The following CATSPER2 variants were observed in gnomAD, a reference collection of about 807,000 sequenced individuals.
CATSPER2 encodes the protein cation channel sperm-associated protein 2.
Under a neutral mutation model 68.8 loss-of-function variants are expected in CATSPER2, and 56 were observed. That is an observed-to-expected ratio of 0.81 (90% CI 0.66 to 1.02). The LOEUF is 1.02. Ranked by LOEUF, CATSPER2 falls within the 50% of genes least tolerant of loss-of-function variation. CATSPER2 has a pLI of 0.00. For synonymous variants in CATSPER2, 198 were observed against 229.9 expected (o/e 0.86, Z 1.26); for missense variants, 582 against 642.0 (o/e 0.91, Z 1.01).
Position 43,640,164 on chromosome 15 carries a change from C to A in CATSPER2, c.561+160G>T. ...TCTACTTTGCTCCTAATACCAACAA[C>A]TCCTGCAATGATTGATGTTTAGTTT... On this transcript the variant is annotated intron_variant, in intron 5 of 12. Transcript: ENST00000396879. The A allele has an allele frequency of 3.9e-6, 6 of 1,536,676 alleles. 1 individual carries two copies. The South Asian group carries it at 7.3e-5, about 19-fold the overall frequency.
chr15:43,632,439 T>A, intron 11 of CATSPER2, 76 bp from the exon 12 acceptor site: 2 of 1,574,074 alleles, frequency 1.3e-6, no homozygotes, highest in Non-Finnish European at 1.7e-6. Flanking sequence ...TCCTATGGTG[T>A]GGGTGGAAAG....
rs1226219870 is a variant in CATSPER2, at chr15:43,636,023, C to G, written c.1021+18G>C. The G allele has an allele frequency of 6.6e-7, 1 of 1,507,820 alleles. No homozygotes were observed. Among genetic ancestry groups the G allele is most frequent in the East Asian group, 2.3e-5 (1 of 44,022 alleles). The allele number at this position is 1,507,820 out of a possible 1,614,324, so 93.4% of individuals were successfully genotyped here. A position where few individuals can be genotyped will look rare whatever the true frequency, so the allele number is the denominator to read the frequency against. The stretch of plus-strand genomic sequence containing the variant: ...CCAACCACACTTCCCAAACAAGTTT[C>G]ACCTCCTCTATGCTTACCCATCATG... On this transcript the variant is annotated intron_variant, in intron 8 of 12. Coordinates refer to ENST00000396879, the MANE Select transcript of CATSPER2 (RefSeq NM_172095.4).
Position 43,635,809 on chromosome 15 carries a change from T to C in CATSPER2, c.1039A>G (p.Ile347Val). ...ATCTCCTCATTCAGCTCTTTCCTGATATTCTGAAAGTTAGTAACTGCCCCA... is the reference window on the plus strand; with the variant it reads ...ATCTCCTCATTCAGCTCTTTCCTGACATTCTGAAAGTTAGTAACTGCCCCA... Reference protein sequence around the residue: ...VAMMVTNFQNIRKELNEEMAR... With the variant: ...VAMMVTNFQNVRKELNEEMAR... The change falls in exon 9 of 13, where the codon ATC (isoleucine) becomes GTC (valine). Residue 347 changes from isoleucine (I) to valine (V), a missense_variant. Ile to Val is a conservative substitution (Grantham distance 29, BLOSUM62 3). Coordinates refer to ENST00000396879, the MANE Select transcript of CATSPER2 (RefSeq NM_172095.4). 6.2e-7 allele frequency: 1 copy of C among 1,613,442 alleles called. No homozygotes were observed. Among genetic ancestry groups the C allele is most frequent in the Non-Finnish European group, 8.5e-7 (1 of 1,179,740 alleles).
Position 43,648,752 on chromosome 15 carries a change from C to T in CATSPER2, c.-126G>A, listed in dbSNP as rs1408809410. On this transcript the variant is annotated 5_prime_UTR_variant, in exon 1 of 13. Transcript: ENST00000396879. ...AGGGCCGGCTCCCAGCCTCACTGCG[C>T]CCCATTCCCCGCCCCGCTCGACCCC... is the stretch of plus-strand genomic sequence containing the variant. 37 of 1,525,620 alleles carry T rather than the reference C, an allele frequency of 2.4e-5. No homozygotes were observed. The highest frequency in any genetic ancestry group is 3.2e-5 in the Non-Finnish European group (36 of 1,140,636). The allele number at this position is 1,525,620 out of a possible 1,614,324, so 94.5% of individuals were successfully genotyped here.
intron 4 of CATSPER2, among the ~76,000 whole-genome samples, chr15:43,645,927 T>C (rs747756169): frequency 6.6e-6 from 1 of 152,044 alleles, no homozygotes; most frequent in African/African-American, 2.4e-5. Context: ...ATGTTTTGAA[T>C]GTATTTCATA....
intron 4 of CATSPER2, 103 bp from the exon 5 acceptor site, chr15:43,640,599 C>T (rs2086055706): frequency 1.4e-6 from 2 of 1,460,524 alleles, no homozygotes; most frequent in African/African-American, 2.8e-5. Flanking sequence ...ACTACTGTTC[C>T]ATTTTTCTTC....
chr15:43,637,350 T>C (rs1028524429), intron 7 of CATSPER2, among the ~76,000 whole-genome samples: 2 of 151,858 alleles, frequency 1.3e-5, no homozygotes, highest in African/African-American at 4.8e-5. Flanking sequence ...AAAATTAATA[T>C]TTAAAAATTA....
rs1214204718 is a variant in CATSPER2, at chr15:43,639,249, A to C, written c.718-221T>G. ...TGACCCACCCAGATTTCTTTCATAT[A>C]TTTTTTTTTTTTTTAGACGGAGTTT... is the stretch of plus-strand genomic sequence containing the variant. On this transcript the variant is annotated intron_variant, in intron 6 of 12. Transcript: ENST00000396879. Among the ~76,000 whole-genome samples the C allele has an allele frequency of 2.1e-5, 3 of 140,202 alleles. No individual in the cohort carries two copies. The East Asian group carries it at 6.1e-4, about 29-fold the overall frequency. 92.0% of individuals were successfully genotyped at this position (140,202 alleles called of 152,430 possible). A position where few individuals can be genotyped will look rare whatever the true frequency, so the allele number is the denominator to read the frequency against.
rs2086193748 is a variant in CATSPER2, at chr15:43,647,560, C to T, written c.146-93G>A. The T allele has an allele frequency of 4.3e-6, 5 of 1,154,538 alleles. No individual in the cohort carries two copies. The East Asian group carries it at 9.4e-5, about 22-fold the overall frequency. The allele number at this position is 1,154,538 out of a possible 1,614,324, so 71.5% of individuals were successfully genotyped here. A position where few individuals can be genotyped will look rare whatever the true frequency, so the allele number is the denominator to read the frequency against. ...AGGGATACTGGTCAGGTAATGGGTT[C>T]CCCTAATGCCTTACTGCTAGTCCTT... On this transcript the variant is annotated intron_variant, in intron 2 of 12. Coordinates refer to ENST00000396879, the MANE Select transcript of CATSPER2 (RefSeq NM_172095.4).
rs761661429 is a variant in CATSPER2, at chr15:43,635,389, C to G, written c.1149G>C (p.Leu383=). 8 of 1,608,102 alleles carry G rather than the reference C, an allele frequency of 5.0e-6. No individual in the cohort carries two copies. Among genetic ancestry groups the G allele is most frequent in the Non-Finnish European group, 3.4e-6 (4 of 1,179,020 alleles). Residue 383 remains leucine (L), a synonymous_variant, in exon 10 of 13, where the codon CTG becomes CTC. Transcript: ENST00000396879. The part of the protein sequence containing the change: ...QRRKNMSHEA[L]TSSHSKIEDS... ...CCTCTATTTTGCTATGGCTTGACGTCAGTGCTTCATGTGACATGTTTTTTC... is the reference window on the plus strand; with the variant it reads ...CCTCTATTTTGCTATGGCTTGACGTGAGTGCTTCATGTGACATGTTTTTTC...
intron 4 of CATSPER2, among the ~76,000 whole-genome samples, chr15:43,645,876 G>C (rs924258161): frequency 2.0e-4 from 31 of 151,944 alleles, no homozygotes; most frequent in Admixed American, 1.9e-3. Context: ...AGCAGTTTGA[G>C]ATTATCAACA....
rs781641661 is a variant in CATSPER2, at chr15:43,648,014, A to G, written c.48T>C (p.Asp16=). 6.2e-7 allele frequency: 1 copy of G among 1,613,752 alleles called. No individual in the cohort carries two copies. The highest frequency in any genetic ancestry group is 8.5e-7 in the Non-Finnish European group (1 of 1,179,764). ...QEEQMQLPRA[D]AIRSRLIDTF... is the part of the protein sequence containing the mutation. ...TATCGATGAGACGTGAACGAATGGC[A>G]TCAGCTCGGGGAAGCTGCATCTGCT... The change falls in exon 2 of 13, where the codon GAT becomes GAC. Residue 16 remains aspartate (D), a synonymous_variant. Transcript: ENST00000396879.
chr15:43,648,174 T>C (rs2086207629), intron 1 of CATSPER2, 111 bp from the exon 2 acceptor site: 12 of 1,250,946 alleles, frequency 9.6e-6, no homozygotes, highest in Admixed American at 6.8e-5. Context: ...GATTCCTTAA[T>C]GTACCCACAT....
chr15:43,640,835 G>A (rs1048145320), intron 4 of CATSPER2, among the ~76,000 whole-genome samples: 14 of 151,738 alleles, frequency 9.2e-5, no homozygotes, highest in African/African-American at 3.1e-4. Flanking sequence ...CCCATCTACT[G>A]TACTGTTATC....
intron 4 of CATSPER2, among the ~76,000 whole-genome samples, chr15:43,644,269 A>T (rs2086122228): frequency 6.6e-6 from 1 of 152,030 alleles, no homozygotes; most frequent in South Asian, 2.1e-4. Flanking sequence ...CTGTTCAAAG[A>T]AATCTGTTAA....
At chr15:43,635,232 T>TA in intron 10 of CATSPER2, 128 bp downstream of exon 10, 5 of 877,822 alleles carry the variant, frequency 5.7e-6, no homozygotes, top group Non-Finnish European at 9.6e-6. Context: ...CGGGTGCCAC[T>TA]AGTCAACCTA....
In CATSPER2 at chr15:43,630,493, T is replaced by C; in HGVS notation, c.*208A>G. On this transcript the variant is annotated 3_prime_UTR_variant, in exon 13 of 13. Transcript: ENST00000396879. ...CCTCAGGCTCCCAAGTAGCTATGATTACAAGCATCTGCCACCACACCCAGC... is the reference window on the plus strand; with the variant it reads ...CCTCAGGCTCCCAAGTAGCTATGATCACAAGCATCTGCCACCACACCCAGC... 9.2e-7 allele frequency: 1 copy of C among 1,086,392 alleles called. No homozygotes were observed. Among genetic ancestry groups the C allele is most frequent in the South Asian group, 1.6e-5 (1 of 63,218 alleles). The allele number at this position is 1,086,392 out of a possible 1,614,324, so 67.3% of individuals were successfully genotyped here.
rs151297711 is a variant in CATSPER2 at position 43,632,250 on chromosome 15, C to T, written c.1510G>A (p.Glu504Lys). ...DSLFRYFELL[E>K]KLQYNLEERK... ...TCCTCTAGGTTATACTGAAGCTTTT[C>T]TAGCAACTCAAAATATCGGAAGAGT... Residue 504 changes from glutamate to lysine, a missense_variant, in exon 12 of 13, where the codon GAA (glutamate) becomes AAA (lysine). By Grantham distance (56) the Glu-to-Lys change is moderately conservative. Around this residue, in one of 5 missense-constraint regions of CATSPER2, gnomAD observed 235 missense variants for 264.2 expected, o/e 0.89. Coordinates refer to ENST00000396879, the MANE Select transcript of CATSPER2 (RefSeq NM_172095.4). 1 of 1,613,712 alleles carries T rather than the reference C, an allele frequency of 6.2e-7. No individual in the cohort carries two copies. Among genetic ancestry groups the T allele is most frequent in the Non-Finnish European group, 8.5e-7 (1 of 1,179,812 alleles).
At position 43,632,818 on chromosome 15, in the gene CATSPER2, T is replaced by A; in HGVS notation, c.1295A>T (p.Glu432Val). The change falls in exon 11 of 13, where the codon GAG (glutamate) becomes GTG (valine). Residue 432 changes from glutamate (E) to valine (V), a missense_variant. Physicochemically the swap from Glu to Val is moderately radical, Grantham distance 121. Coordinates refer to ENST00000396879, the MANE Select transcript of CATSPER2 (RefSeq NM_172095.4). Reference protein sequence around the residue: ...DLITSASKTEETLSKKREYQS... With the variant: ...DLITSASKTEVTLSKKREYQS... ...GTACTCTCTCTTTTTTGACAAGGTCTCTTCTGTTTTTGATGCAGATGTTAT... is the reference window on the plus strand; with the variant it reads ...GTACTCTCTCTTTTTTGACAAGGTCACTTCTGTTTTTGATGCAGATGTTAT... The A allele has an allele frequency of 1.2e-6, 2 of 1,613,758 alleles. No individual in the cohort carries two copies. The highest frequency in any genetic ancestry group is 1.7e-6 in the Non-Finnish European group (2 of 1,179,848).
Sources: allele counts gnomAD v4.1 joint callset (sites outside exome capture counted in the v4.1 genomes callset), GRCh38; gene constraint gnomAD v4.1.1; regional missense constraint gnomAD v4.1.1; transcripts MANE v1.5; gene names NCBI Gene and HGNC (gene_info 2026-07-23, HGNC 2026-07-21).